SLC10A1: variants seen among roughly 807,000 people sequenced by gnomAD.
SLC10A1 encodes solute carrier family 10 member 1, also known as hepatic sodium/bile acid cotransporter.
A neutral mutation model predicts 20.5 loss-of-function variants in SLC10A1; 36 were observed. That is an observed-to-expected ratio of 1.75 (90% confidence interval 1.34 to 2.32). The LOEUF is 2.32. Ranked by LOEUF, SLC10A1 falls within the 30% of genes most tolerant of loss-of-function variation. The pLI, the probability that SLC10A1 is intolerant of heterozygous loss-of-function variation, is 0.00. For missense variants in SLC10A1, 545 were observed against 439.1 expected, an observed-to-expected ratio of 1.24 and a Z score of -2.16; for synonymous variants, 188 against 163.6, an observed-to-expected ratio of 1.15 and a Z score of -1.14.
At chr14:69,782,568 G>A (rs530741267) in intron 2 of SLC10A1, among the ~76,000 whole-genome samples, 1 of 152,328 alleles carries the variant, frequency 6.6e-6, no homozygotes, top group African/African-American at 2.4e-5. Context: ...AGCACTTCGG[G>A]AGGCCAAGGC....
rs201638287 is a variant in SLC10A1 at position 69,796,841 on chromosome 14, G to A, written c.315C>T (p.Ser105=). Reference sequence around the variant, plus strand: ...CCTTCATGGCCAGACTGAAGACATTGGACAGGTTCCCTCCAGGTGAGCAGC... The same window carrying A: ...CCTTCATGGCCAGACTGAAGACATTAGACAGGTTCCCTCCAGGTGAGCAGC... ...VCGCSPGGNL[S]NVFSLAMKGD... Residue 105 remains serine (S), a synonymous_variant, in exon 1 of 5, where the codon TCC becomes TCT. Transcript: ENST00000216540. 36 of 1,614,034 alleles carry A rather than the reference G, an allele frequency of 2.2e-5. No homozygotes were observed. Among genetic ancestry groups the A allele is most frequent in the Non-Finnish European group, 3.1e-5 (36 of 1,180,036 alleles).
At chr14:69,796,670 C>G (rs1244045780) in intron 1 of SLC10A1, 130 bp downstream of exon 1, 1 of 760,640 alleles carries the variant, frequency 1.3e-6, no homozygotes, top group Non-Finnish European at 2.1e-6. Flanking sequence ...TGCCAGACTT[C>G]CCCTGCCCTA....
In SLC10A1 at chr14:69,796,805, G is replaced by A. The variant is rs199728494; in HGVS notation, c.351C>T (p.Asn117=). The change falls in exon 1 of 5, where the codon AAC becomes AAT. Residue 117 remains asparagine, a synonymous_variant. Transcript: ENST00000216540. ...CTCCTCACCCCCAGGCCTACCTGAG[G>A]TTCATGTCCCCCTTCATGGCCAGAC... The part of the protein sequence containing the change: ...VFSLAMKGDM[N]LSIVMTTCST... 1.9e-6 allele frequency: 3 copies of A among 1,613,170 alleles called. No homozygotes were observed. The highest frequency in any genetic ancestry group is 2.5e-6 in the Non-Finnish European group (3 of 1,179,404).
chr14:69,779,160 TAAAAAAA>T lies in SLC10A1; in HGVS notation c.746+15_746+21del. The T allele has an allele frequency of 7.2e-7, 1 of 1,396,536 alleles. No homozygotes were observed. The allele number at this position is 1,396,536 out of a possible 1,614,324, so 86.5% of individuals were successfully genotyped here. A position where few individuals can be genotyped will look rare whatever the true frequency, so the allele number is the denominator to read the frequency against. On this transcript the variant is annotated intron_variant, in intron 3 of 4. Coordinates refer to ENST00000216540, the MANE Select transcript of SLC10A1 (RefSeq NM_003049.4). ...TGGGCAACAGAGTGAGACCCTTTCT[TAAAAAAA>T]AAAAAAATACCTACCGTCCATTGAG...
intron 2 of SLC10A1, among the ~76,000 whole-genome samples, chr14:69,780,491 A>T (rs1403562133): frequency 6.7e-6 from 1 of 148,416 alleles, no homozygotes; most frequent in African/African-American, 2.4e-5. Context: ...GTAACATTTT[A>T]AAAAAGTAAA....
At chr14:69,786,851 A>T (rs1394090690) in intron 1 of SLC10A1, among the ~76,000 whole-genome samples, 2 of 152,214 alleles carry the variant, frequency 1.3e-5, no homozygotes, top group Non-Finnish European at 2.9e-5. Flanking sequence ...CCTCGTGGGG[A>T]GTCTGAGTGT....
Position 69,776,214 on chromosome 14 carries a change from C to G in SLC10A1, c.*68G>C. ...AGGCAAGACTGGTGTTTTTGCTGCT[C>G]TCTCTAGTTTACCACACTGGCTTTC... is the stretch of plus-strand genomic sequence containing the variant. On this transcript the variant is annotated 3_prime_UTR_variant, in exon 5 of 5. Coordinates refer to ENST00000216540, the MANE Select transcript of SLC10A1 (RefSeq NM_003049.4). 1 of 1,134,024 alleles carries G rather than the reference C, an allele frequency of 8.8e-7. No homozygotes were observed. Among genetic ancestry groups the G allele is most frequent in the South Asian group, 1.3e-5 (1 of 75,822 alleles). 70.2% of individuals were successfully genotyped at this position (1,134,024 alleles called of 1,614,324 possible).
Position 69,779,374 on chromosome 14 carries a change from C to T in SLC10A1, c.568-14G>A. On this transcript the variant is annotated splice_polypyrimidine_tract_variant and intron_variant, in intron 2 of 4. Coordinates refer to ENST00000216540, the MANE Select transcript of SLC10A1 (RefSeq NM_003049.4). ...GATCATCCCTCCCTGGGAATGAAGACAAGAAAAGGCAATTAGAAGAGTTGG... is the reference window on the plus strand; with the variant it reads ...GATCATCCCTCCCTGGGAATGAAGATAAGAAAAGGCAATTAGAAGAGTTGG... 6.3e-7 allele frequency: 1 copy of T among 1,594,706 alleles called. No homozygotes were observed. The highest frequency in any genetic ancestry group is 8.6e-7 in the Non-Finnish European group (1 of 1,166,316).
intron 2 of SLC10A1, among the ~76,000 whole-genome samples, chr14:69,781,336 C>T (rs192692026): frequency 6.6e-6 from 1 of 152,354 alleles, no homozygotes; most frequent in East Asian, 1.9e-4. Context: ...CACCTGACTT[C>T]ATTGCCCTGC....
Position 69,779,336 on chromosome 14 carries a change from A to C in SLC10A1, c.592T>G (p.Cys198Gly). ...GAGAGAACTGTGACGGCCACACTGC[A>C]CAAGAGAATGATGATCATCCCTCCC... ...IKGGMIIILL[C>G]SVAVTVLSAI... The change falls in exon 3 of 5, where the codon TGC becomes GGC. Residue 198 changes from cysteine (C) to glycine (G), a missense_variant. Physicochemically the swap from Cys to Gly is radical, Grantham distance 159. Coordinates refer to ENST00000216540, the MANE Select transcript of SLC10A1 (RefSeq NM_003049.4). 1 of 1,613,492 alleles carries C rather than the reference A, an allele frequency of 6.2e-7. No homozygotes were observed. Among genetic ancestry groups the C allele is most frequent in the Non-Finnish European group, 8.5e-7 (1 of 1,179,560 alleles).
At chr14:69,780,381 A>G (rs905021571) in intron 2 of SLC10A1, among the ~76,000 whole-genome samples, 2 of 125,624 alleles carry the variant, frequency 1.6e-5, no homozygotes, top group Admixed American at 1.6e-4. Flanking sequence ...GAGTAAAGAA[A>G]TACTTAACTT....
intron 4 of SLC10A1, among the ~76,000 whole-genome samples, chr14:69,777,605 TAAAATTGGTG>T (rs1566633994): frequency 9.0e-5 from 8 of 89,132 alleles, no homozygotes; most frequent in South Asian, 4.1e-4. Context: ...TTTTTTTTTT[TAAAATTGGTG>T]TTAAAGTGCA....
intron 2 of SLC10A1, among the ~76,000 whole-genome samples, chr14:69,783,592 C>CTTG (rs1883646747): frequency 6.6e-6 from 1 of 152,110 alleles, no homozygotes; most frequent in Non-Finnish European, 1.5e-5. Context: ...CTGGTGAGGT[C>CTTG]AGTTGAAACC....
At chr14:69,785,595 T>C (rs1883692236) in intron 2 of SLC10A1, among the ~76,000 whole-genome samples, 1 of 150,752 alleles carries the variant, frequency 6.6e-6, no homozygotes, top group African/African-American at 2.4e-5. Context: ...TCTTTTCTTT[T>C]TTTTTTTTTT....
intron 1 of SLC10A1, among the ~76,000 whole-genome samples, chr14:69,794,255 A>G (rs1303336165): frequency 6.6e-6 from 1 of 152,208 alleles, no homozygotes; most frequent in Non-Finnish European, 1.5e-5. Flanking sequence ...TTCACATAAA[A>G]TGGATATTTT....
At chr14:69,787,795 C>T (rs1023750304) in intron 1 of SLC10A1, among the ~76,000 whole-genome samples, 10 of 151,912 alleles carry the variant, frequency 6.6e-5, no homozygotes, top group African/African-American at 7.3e-5. Context: ...TTAGGGAGGC[C>T]GAGGAGGGAG....
chr14:69,786,929 C>A (rs1883730276), intron 1 of SLC10A1, among the ~76,000 whole-genome samples: 2 of 152,088 alleles, frequency 1.3e-5, no homozygotes, highest in African/African-American at 2.4e-5. Context: ...AGGCAGAAGT[C>A]AAAAACCCTA....
chr14:69,791,953 A>AT (rs1233147956), intron 1 of SLC10A1, among the ~76,000 whole-genome samples: 4,758 of 144,526 alleles, frequency 0.033, 78 homozygotes, highest in African/African-American at 0.041. Flanking sequence ...TAGACAGTAA[A>AT]TTTTTTTTTT....
rs1196848639 is a variant in SLC10A1 at position 69,775,528 on chromosome 14, G to A, written c.*754C>T. The A allele has an allele frequency of 1.3e-5, 2 of 152,160 alleles. No individual in the cohort carries two copies. Among genetic ancestry groups the A allele is most frequent in the Admixed American group, 1.3e-4 (2 of 15,278 alleles). 9.4% of individuals were successfully genotyped at this position (152,160 alleles called of 1,614,324 possible). A position where few individuals can be genotyped will look rare whatever the true frequency, so the allele number is the denominator to read the frequency against. On this transcript the variant is annotated 3_prime_UTR_variant, in exon 5 of 5. Transcript: ENST00000216540. Reference sequence around the variant, plus strand: ...CGACTCATTTTGGCAGTAGTTTGCTGTACCCAGTTTTGGGGGCGCCTTGTG... The same window carrying A: ...CGACTCATTTTGGCAGTAGTTTGCTATACCCAGTTTTGGGGGCGCCTTGTG...
Sources: gnomAD v4.1 joint callset for allele counts (sites outside exome capture counted in the v4.1 genomes callset) on GRCh38, gnomAD v4.1.1 for gene constraint, MANE v1.5 for transcripts, NCBI Gene and HGNC (gene_info 2026-07-23, HGNC 2026-07-21) for gene names.